OLFML2B: variants seen among roughly 807,000 people sequenced by gnomAD.
The protein encoded by OLFML2B is olfactomedin-like protein 2B.
A neutral mutation model predicts 74.9 loss-of-function variants in OLFML2B; 57 were observed. That is an observed-to-expected ratio of 0.76 (90% confidence interval 0.61 to 0.95). The LOEUF is 0.95. Among genes scored for constraint, OLFML2B ranks in the 40% least tolerant of loss-of-function variants. The pLI is 0.00. For synonymous variants in OLFML2B, 388 were observed against 405.8 expected, an observed-to-expected ratio of 0.96 and a Z score of 0.53; for missense variants, 986 against 970.6, an observed-to-expected ratio of 1.02 and a Z score of -0.21.
chr1:161,999,969 A>G, intron 5 of OLFML2B, 144 bp downstream of exon 5: 1 of 661,044 alleles, frequency 1.5e-6, no homozygotes, highest in East Asian at 2.6e-5. Flanking sequence ...ATGCAGTGAG[A>G]GCTCTGGATA....
chr1:161,994,111 T>A (rs950690694), intron 6 of OLFML2B, among the ~76,000 whole-genome samples: 4 of 152,262 alleles, frequency 2.6e-5, no homozygotes, highest in African/African-American at 9.6e-5. Flanking sequence ...ATTTCCAGTT[T>A]TCTGAGCAAG....
intron 6 of OLFML2B, among the ~76,000 whole-genome samples, chr1:161,988,203 G>T (rs891582579): frequency 3.3e-5 from 5 of 152,184 alleles, no homozygotes; most frequent in African/African-American, 1.2e-4. Flanking sequence ...GTATTCTGTC[G>T]TTTAACCAAC....
chr1:162,023,258 T>C lies in OLFML2B; in HGVS notation c.173A>G (p.Gln58Arg). Residue 58 changes from glutamine to arginine, a missense_variant and splice_region_variant, in exon 1 of 8, where the codon CAG becomes CGG. By Grantham distance (43) the Gln-to-Arg change is conservative. Coordinates refer to ENST00000294794, the MANE Select transcript of OLFML2B (RefSeq NM_015441.3). The stretch of plus-strand genomic sequence containing the variant: ...CGGTCGTGGCACTCTGCATCCTACC[T>C]GAGATAAAACGTTCTCCTGGTTGTC... ...EADNQENVLS[Q>R]LLGDYDKVKA... 1.3e-6 allele frequency: 2 copies of C among 1,530,388 alleles called. No homozygotes were observed. Among genetic ancestry groups the C allele is most frequent in the Non-Finnish European group, 1.8e-6 (2 of 1,130,502 alleles). 94.8% of individuals were successfully genotyped at this position (1,530,388 alleles called of 1,614,324 possible).
intron 6 of OLFML2B, among the ~76,000 whole-genome samples, chr1:161,990,110 GTGT>G (rs1244842309): frequency 6.6e-6 from 1 of 152,218 alleles, no homozygotes; most frequent in African/African-American, 2.4e-5. Context: ...AAGGCAGGGA[GTGT>G]TGTTAAAATG....
chr1:162,000,957 C>T (rs1445767597), intron 4 of OLFML2B, among the ~76,000 whole-genome samples: 1 of 152,220 alleles, frequency 6.6e-6, no homozygotes, highest in Non-Finnish European at 1.5e-5. Flanking sequence ...TCTAGCTCAG[C>T]ATTCTTCTCT....
At chr1:161,987,161 C>T (rs1387338726) in intron 6 of OLFML2B, among the ~76,000 whole-genome samples, 1 of 152,252 alleles carries the variant, frequency 6.6e-6, no homozygotes, top group East Asian at 1.9e-4. Context: ...AAGTTTTAAT[C>T]TCTTCAGAAG....
In OLFML2B at chr1:161,984,985, T is replaced by C. The variant is rs769773736; in HGVS notation, c.1475-5A>G. On this transcript the variant is annotated splice_polypyrimidine_tract_variant and splice_region_variant and intron_variant, in intron 6 of 7. Transcript: ENST00000294794. ...AGAGAGTGTCCTTGCACCTTCCTGGTGGAGAAGAGGTGGATGGAGGTTTTG... is the reference window on the plus strand; with the variant it reads ...AGAGAGTGTCCTTGCACCTTCCTGGCGGAGAAGAGGTGGATGGAGGTTTTG... The C allele has an allele frequency of 4.4e-6, 7 of 1,603,322 alleles. No homozygotes were observed. Among genetic ancestry groups the C allele is most frequent in the African/African-American group, 1.4e-5 (1 of 73,066 alleles).
At chr1:161,985,105 G>T in intron 6 of OLFML2B, 125 bp from the exon 7 acceptor site, 1 of 907,614 alleles carries the variant, frequency 1.1e-6, no homozygotes, top group Non-Finnish European at 1.6e-6. Flanking sequence ...TGTATAACCT[G>T]ACCCCAAACA....
At chr1:161,996,064 C>T (rs1054112515) in intron 6 of OLFML2B, among the ~76,000 whole-genome samples, 1 of 152,190 alleles carries the variant, frequency 6.6e-6, no homozygotes, top group African/African-American at 2.4e-5. Flanking sequence ...CCCACCCTCA[C>T]CTCTAAGGCC....
rs1454969056 is a variant in OLFML2B, at chr1:161,983,527, C to A, written c.*148G>T. ...TCTACAATCCATATAAAAAAATAGA[C>A]CCAAATTGTCATTTTACATTTGCAA... On this transcript the variant is annotated 3_prime_UTR_variant, in exon 8 of 8. Transcript: ENST00000294794. 1.2e-6 allele frequency: 1 copy of A among 861,838 alleles called. No individual in the cohort carries two copies. The highest frequency in any genetic ancestry group is 1.7e-6 in the Non-Finnish European group (1 of 575,410). 53.4% of individuals were successfully genotyped at this position (861,838 alleles called of 1,614,324 possible).
intron 6 of OLFML2B, among the ~76,000 whole-genome samples, chr1:161,986,899 TG>T (rs2101945126): frequency 6.6e-6 from 1 of 152,350 alleles, no homozygotes; most frequent in African/African-American, 2.4e-5. Context: ...GTTTTCTGTC[TG>T]GGGATTACCA....
chr1:162,001,727 A>G (rs1690086015), intron 4 of OLFML2B, among the ~76,000 whole-genome samples: 1 of 152,304 alleles, frequency 6.6e-6, no homozygotes, highest in East Asian at 1.9e-4. Context: ...GGATGTTGCT[A>G]TCTCTGTAGA....
intron 1 of OLFML2B, 77 bp downstream of exon 1, chr1:162,023,180 C>A (rs1690774368): frequency 1.3e-5 from 17 of 1,348,718 alleles, no homozygotes; most frequent in Non-Finnish European, 1.6e-5. Flanking sequence ...TGCCCTCAAA[C>A]ACTTCAGCAA....
intron 6 of OLFML2B, among the ~76,000 whole-genome samples, chr1:161,987,538 G>C (rs1484299610): frequency 1.3e-5 from 2 of 152,184 alleles, no homozygotes; most frequent in Non-Finnish European, 2.9e-5. Flanking sequence ...GCCATGAGAA[G>C]CTGGAAAAGG....
intron 3 of OLFML2B, among the ~76,000 whole-genome samples, chr1:162,017,102 A>T (rs1690561689): frequency 6.6e-6 from 1 of 152,206 alleles, no homozygotes; most frequent in Non-Finnish European, 1.5e-5. Flanking sequence ...TTTACATTTC[A>T]TTGAGTTCTG....
At chr1:162,017,316 G>A (rs1690567751) in intron 3 of OLFML2B, 84 bp downstream of exon 3, 3 of 975,684 alleles carry the variant, frequency 3.1e-6, no homozygotes, top group Non-Finnish European at 4.9e-6. Flanking sequence ...CAGCACATGT[G>A]CTAGCTGAAA....
chr1:162,000,049 A>C, intron 5 of OLFML2B, 64 bp downstream of exon 5: 1 of 1,271,626 alleles, frequency 7.9e-7, no homozygotes, highest in Non-Finnish European at 1.1e-6. Flanking sequence ...CCAGCCCACT[A>C]TGGTCCAAAT....
At chr1:161,998,422 T>C (rs1425848294) in intron 5 of OLFML2B, 73 bp from the exon 6 acceptor site, 35 of 1,484,936 alleles carry the variant, frequency 2.4e-5, no homozygotes, top group Middle Eastern at 1.8e-4. Flanking sequence ...CACATGGCAA[T>C]GAGCAGGTGA....
At chr1:161,985,401 C>T (rs1241535010) in intron 6 of OLFML2B, among the ~76,000 whole-genome samples, 1 of 152,186 alleles carries the variant, frequency 6.6e-6, no homozygotes, top group Non-Finnish European at 1.5e-5. Flanking sequence ...TTGTGCTTCT[C>T]TCTCCTCCCT....
Sources: gnomAD v4.1 joint callset for allele counts (sites outside exome capture counted in the v4.1 genomes callset) on GRCh38, gnomAD v4.1.1 for gene constraint, MANE v1.5 for transcripts, NCBI Gene and HGNC (gene_info 2026-07-23, HGNC 2026-07-21) for gene names.